The following MYO18A variants were observed in gnomAD, a reference collection of about 807,000 sequenced individuals.
MYO18A encodes the protein unconventional myosin-XVIIIa.
MYO18A carries 78 observed loss-of-function variants against 235.8 expected under a neutral mutation model. The observed-to-expected ratio is 0.33, with a 90% CI of 0.28 to 0.40. MYO18A has a LOEUF of 0.40. Among genes scored for constraint, MYO18A ranks in the 10% least tolerant of loss-of-function variants. MYO18A has a pLI of 1.00. For synonymous variants in MYO18A, 977 were observed against 1,077.8 expected, an observed-to-expected ratio of 0.91 and a Z score of 1.83; for missense variants, 2,215 against 2,699.3, an observed-to-expected ratio of 0.82 and a Z score of 3.98.
intron 20 of MYO18A, among the ~76,000 whole-genome samples, chr17:29,103,915 C>T (rs541329371): frequency 8.9e-4 from 136 of 152,360 alleles, no homozygotes; most frequent in Middle Eastern, 6.8e-3. Context: ...GTCGCACCTA[C>T]GCAAGGCACC....
chr17:29,171,177 C>T lies in MYO18A; in HGVS notation c.-81-4156G>A, dbSNP rs573075368. Among the ~76,000 whole-genome samples the T allele has an allele frequency of 2.6e-5, 4 of 152,276 alleles. No individual in the cohort carries two copies. In the South Asian group the frequency reaches 8.3e-4, roughly 32 times the overall value. ...TAAGATTTGTGCGTTCAGCCAGGCG[C>T]GTTGGCTCACGCCTGTAATACCAGC... On this transcript the variant is annotated intron_variant, in intron 1 of 41. Coordinates refer to ENST00000527372, the MANE Select transcript of MYO18A (RefSeq NM_078471.4).
intron 2 of MYO18A, among the ~76,000 whole-genome samples, chr17:29,129,617 C>T (rs2067412293): frequency 6.6e-6 from 1 of 152,222 alleles, no homozygotes; most frequent in African/African-American, 2.4e-5. Context: ...GTCCTTGTTA[C>T]CCAAAACAAT....
intron 40 of MYO18A, among the ~76,000 whole-genome samples, chr17:29,085,380 G>T (rs113764766): frequency 6.6e-6 from 1 of 152,206 alleles, no homozygotes; most frequent in Non-Finnish European, 1.5e-5. Context: ...GCCCACCAAG[G>T]GTGCACGGGC....
chr17:29,094,105 A>G lies in MYO18A; in HGVS notation c.4711-15T>C. ...CGCAGCTTGGCCTGGAGGTGGTTGG[A>G]GTAGGGTCTGGGTTCCCTCCCCAGC... On this transcript the variant is annotated splice_polypyrimidine_tract_variant and intron_variant, in intron 30 of 41. Coordinates refer to ENST00000527372, the MANE Select transcript of MYO18A (RefSeq NM_078471.4). 1.3e-6 allele frequency: 2 copies of G among 1,586,726 alleles called. No individual in the cohort carries two copies. Among genetic ancestry groups the G allele is most frequent in the Non-Finnish European group, 1.7e-6 (2 of 1,165,726 alleles).
At chr17:29,116,565 A>G in intron 10 of MYO18A, 110 bp from the exon 11 acceptor site, 1 of 1,237,226 alleles carries the variant, frequency 8.1e-7, no homozygotes, top group South Asian at 1.2e-5. Flanking sequence ...GGGTGTTGTG[A>G]GGATGAGTAG....
chr17:29,170,086 T>C lies in MYO18A; in HGVS notation c.-81-3065A>G, dbSNP rs551112161. On this transcript the variant is annotated intron_variant, in intron 1 of 41. Transcript: ENST00000527372. ...CGCTGGGGGACCTTGAGCCTGTCACTCTGCTCAAGGTTGAACTACATGATC... is the reference window on the plus strand; with the variant it reads ...CGCTGGGGGACCTTGAGCCTGTCACCCTGCTCAAGGTTGAACTACATGATC... Among the ~76,000 whole-genome samples the C allele has an allele frequency of 3.1e-4, 47 of 152,288 alleles. No homozygotes were observed. In the South Asian group the frequency reaches 5.4e-3, roughly 17 times the overall value.
intron 1 of MYO18A, among the ~76,000 whole-genome samples, chr17:29,176,915 C>T (rs1017671535): frequency 6.6e-6 from 1 of 152,192 alleles, no homozygotes; most frequent in African/African-American, 2.4e-5. Flanking sequence ...GCGGCGCCTC[C>T]CGCTGCGATC....
At chr17:29,128,612 G>T in intron 2 of MYO18A, 1 of 1,128,118 alleles carries the variant, frequency 8.9e-7, no homozygotes, top group Non-Finnish European at 1.1e-6. Flanking sequence ...CATGCAGAGG[G>T]AATAAGAAGG....
rs2067126855 is a variant in MYO18A at position 29,118,519 on chromosome 17, G to T, written c.1830-79C>A. ...TTTCCGCCCAGGGTGGAGACAGACA[G>T]ACTCAGCTTCCAGACTCCAAGTTTT... On this transcript the variant is annotated intron_variant, in intron 8 of 41. Transcript: ENST00000527372. This position sits in a 1 kb window ranked among gnomAD's most constrained non-coding sequence, Gnocchi z 4.2. The T allele has an allele frequency of 1.5e-6, 2 of 1,332,416 alleles. No individual in the cohort carries two copies. Among genetic ancestry groups the T allele is most frequent in the Non-Finnish European group, 2.1e-6 (2 of 952,324 alleles). 82.5% of individuals were successfully genotyped at this position (1,332,416 alleles called of 1,614,324 possible).
In MYO18A at chr17:29,166,704, A is replaced by C. The variant is rs752229053; in HGVS notation, c.237T>G (p.Thr79=). ...KVASGSDLHL[T]DIDSDSNRGS... is the part of the protein sequence containing the mutation. The stretch of plus-strand genomic sequence containing the variant: ...CCCGGTTACTATCGGAGTCAATGTC[A>C]GTCAGGTGCAGGTCAGAGCCGCTGG... Residue 79 remains threonine (T), a synonymous_variant, in exon 2 of 42, where the codon ACT becomes ACG. Transcript: ENST00000527372. The C allele has an allele frequency of 6.8e-6, 11 of 1,613,820 alleles. No individual in the cohort carries two copies. The highest frequency in any genetic ancestry group is 8.5e-6 in the Non-Finnish European group (10 of 1,179,870).
Position 29,098,237 on chromosome 17 carries a change from G to A in MYO18A, c.3871-13C>T. On this transcript the variant is annotated splice_polypyrimidine_tract_variant and intron_variant, in intron 24 of 41. Transcript: ENST00000527372. ...TCAGCTCTGAGATCTGGGGTTGGGG[G>A]TAGGGAGTCACCACCAGTTGAAGTG... 1 of 1,613,848 alleles carries A rather than the reference G, an allele frequency of 6.2e-7. No individual in the cohort carries two copies. The highest frequency in any genetic ancestry group is 8.5e-7 in the Non-Finnish European group (1 of 1,179,802).
At position 29,093,012 on chromosome 17, in the gene MYO18A, A is replaced by G. The variant is rs775982746; in HGVS notation, c.4927-11T>C. On this transcript the variant is annotated splice_polypyrimidine_tract_variant and intron_variant, in intron 32 of 41. Transcript: ENST00000527372. ...GTCCCGCCGGTTCACCTGGGTGGGC[A>G]CCAGCAGTTGGGGTTCTGGGCTCTG... 3 of 1,611,952 alleles carry G rather than the reference A, an allele frequency of 1.9e-6. No individual in the cohort carries two copies. In the South Asian group the frequency reaches 3.3e-5, roughly 18 times the overall value.
intron 1 of MYO18A, among the ~76,000 whole-genome samples, chr17:29,179,795 C>T (rs527417494): frequency 7.2e-5 from 11 of 152,338 alleles, no homozygotes; most frequent in African/African-American, 2.6e-4. Context: ...TTGAGAGGAG[C>T]CCGCAGTCTG....
rs529934460 is a variant in MYO18A at position 29,074,143 on chromosome 17, G to A, written c.*627C>T. ...CCTGGACCCGGCTCTCCTCACCAGC[G>A]TCTCCAGCTGCACAGAGAAAGGACT... On this transcript the variant is annotated 3_prime_UTR_variant, in exon 42 of 42. Transcript: ENST00000527372. The surrounding 1 kb of genome is among the most constrained non-coding windows in gnomAD (Gnocchi z 4.4). The A allele has an allele frequency of 9.0e-5, 146 of 1,613,822 alleles. No individual in the cohort carries two copies. Among genetic ancestry groups the A allele is most frequent in the Middle Eastern group, 5.0e-4 (3 of 6,060 alleles).
At chr17:29,099,805 C>A in intron 21 of MYO18A, 43 bp from the exon 22 acceptor site, 4 of 1,597,856 alleles carry the variant, frequency 2.5e-6, no homozygotes, top group Non-Finnish European at 3.4e-6. Context: ...ACTGGGCCAG[C>A]CCAGCAGAGG....
At chr17:29,099,036 T>A (rs1018549831) in intron 22 of MYO18A, 67 bp from the exon 23 acceptor site, 6 of 1,592,114 alleles carry the variant, frequency 3.8e-6, no homozygotes, top group Admixed American at 1.7e-5. Flanking sequence ...CGGCCCAGGA[T>A]CCTCCCCACC....
Position 29,094,971 on chromosome 17 carries a change from G to A in MYO18A, c.4474C>T (p.Leu1492Phe). The change falls in exon 29 of 42, where the codon CTC becomes TTC. Residue 1492 changes from leucine (L) to phenylalanine (F), a missense_variant. Transcript: ENST00000527372. ...TGCTTCAGGCTGAAAGCCTCAGCGAGGAGCATGTCCTTCTCCCGCTGCAGC... is the reference window on the plus strand; with the variant it reads ...TGCTTCAGGCTGAAAGCCTCAGCGAAGAGCATGTCCTTCTCCCGCTGCAGC... ...EKLQREKDML[L>F]AEAFSLKQQL... 2 of 1,608,180 alleles carry A rather than the reference G, an allele frequency of 1.2e-6. No individual in the cohort carries two copies. Among genetic ancestry groups the A allele is most frequent in the Non-Finnish European group, 1.7e-6 (2 of 1,176,386 alleles).
Position 29,071,873 on chromosome 17 carries a change from T to C in MYO18A, c.*2897A>G, listed in dbSNP as rs896667134. 6.6e-6 allele frequency: 1 copy of C among 152,236 alleles called. No individual in the cohort carries two copies. The allele number at this position is 152,236 out of a possible 1,614,324, so 9.4% of individuals were successfully genotyped here. On this transcript the variant is annotated 3_prime_UTR_variant, in exon 42 of 42. Transcript: ENST00000527372. ...TTTGTGTCTACCTTCCTCCACTTTATGAAGGAAGGGACCTTATCCATCACC... is the reference window on the plus strand; with the variant it reads ...TTTGTGTCTACCTTCCTCCACTTTACGAAGGAAGGGACCTTATCCATCACC...
intron 40 of MYO18A, among the ~76,000 whole-genome samples, 195 bp downstream of exon 40, chr17:29,085,409 G>T (rs1238046552): frequency 6.6e-6 from 1 of 152,210 alleles, no homozygotes; most frequent in Non-Finnish European, 1.5e-5. Context: ...GCCTTCTGGG[G>T]AGCACACCTC....
Sources: gnomAD v4.1 joint callset for allele counts (sites outside exome capture counted in the v4.1 genomes callset) on GRCh38, gnomAD v4.1.1 for gene constraint, Gnocchi (gnomAD v3.1) non-coding constraint, MANE v1.5 for transcripts, NCBI Gene and HGNC (gene_info 2026-07-23, HGNC 2026-07-21) for gene names.